The following ACO2 variants were observed in gnomAD, a reference collection of about 807,000 sequenced individuals.
ACO2 encodes aconitate hydratase, mitochondrial.
In ACO2, 31 loss-of-function variants were observed where a neutral mutation model predicts 84.5. That is an observed-to-expected ratio of 0.37 (90% CI 0.28 to 0.50). The LOEUF (loss-of-function observed/expected upper bound fraction) is 0.50, where lower values mean the gene tolerates loss of function less well. Among genes scored for constraint, ACO2 ranks in the 20% least tolerant of loss-of-function variants. The pLI is 0.97. For missense variants in ACO2, 685 were observed against 1,029.3 expected, an observed-to-expected ratio of 0.67 and a Z score of 4.58; for synonymous variants, 414 against 412.7, an observed-to-expected ratio of 1.00 and a Z score of -0.04.
chr22:41,518,799 A>T (rs997068543), intron 8 of ACO2, among the ~76,000 whole-genome samples: 1 of 151,972 alleles, frequency 6.6e-6, no homozygotes, highest in African/African-American at 2.4e-5. Context: ...TACAAAAATT[A>T]GCTCGGCATA....
At chr22:41,493,391 A>G (rs1244898341) in intron 1 of ACO2, among the ~76,000 whole-genome samples, 4 of 152,148 alleles carry the variant, frequency 2.6e-5, no homozygotes, top group African/African-American at 9.7e-5. Flanking sequence ...GCATGTTGAT[A>G]TGGCCCCCTC....
chr22:41,478,500 C>A (rs2146081778), intron 1 of ACO2, among the ~76,000 whole-genome samples: 1 of 152,236 alleles, frequency 6.6e-6, no homozygotes, highest in African/African-American at 2.4e-5. Context: ...AGAAATGAAT[C>A]TTTTGGTTTA....
chr22:41,515,826 C>T lies in ACO2; in HGVS notation c.744C>T (p.Ile248=), dbSNP rs2066471919. Residue 248 remains isoleucine, a synonymous_variant, in exon 6 of 18, where the codon ATC becomes ATT. Coordinates refer to ENST00000216254, the MANE Select transcript of ACO2 (RefSeq NM_001098.3). The surrounding 1 kb of genome is among the most constrained non-coding windows in gnomAD (Gnocchi z 5.8). The part of the protein sequence containing the change: ...LSGWSSPKDV[I]LKVAGILTVK... ...GTTGGTCCTCACCCAAAGATGTGAT[C>T]CTGAAGGTGGCAGGCATCCTCACGG... 6.2e-7 allele frequency: 1 copy of T among 1,614,178 alleles called. No individual in the cohort carries two copies. Among genetic ancestry groups the T allele is most frequent in the Non-Finnish European group, 8.5e-7 (1 of 1,180,036 alleles).
At chr22:41,470,224 C>T (rs2146071081) in intron 1 of ACO2, among the ~76,000 whole-genome samples, 1 of 152,274 alleles carries the variant, frequency 6.6e-6, no homozygotes, top group Non-Finnish European at 1.5e-5. Flanking sequence ...ATCAAGCAAG[C>T]ATCTGTAGAC....
chr22:41,528,208 G>A (rs962621587), intron 17 of ACO2, 186 bp downstream of exon 17: 25 of 964,370 alleles, frequency 2.6e-5, no homozygotes, highest in African/African-American at 2.1e-4. Flanking sequence ...GAGTCAACCC[G>A]GGGCCCTCAC....
intron 3 of ACO2, among the ~76,000 whole-genome samples, chr22:41,508,837 G>C (rs2066413304): frequency 1.3e-5 from 2 of 152,250 alleles, no homozygotes; most frequent in Non-Finnish European, 2.9e-5. Flanking sequence ...CCCTCACGGG[G>C]AGGGGCGTTG....
chr22:41,499,933 G>A, intron 2 of ACO2, 71 bp downstream of exon 2: 1 of 1,581,016 alleles, frequency 6.3e-7, no homozygotes, highest in Non-Finnish European at 8.6e-7. Flanking sequence ...AGGCAGAGAA[G>A]GAGGTGTTTT....
intron 1 of ACO2, among the ~76,000 whole-genome samples, chr22:41,491,768 TA>T (rs944651243): frequency 2.0e-5 from 3 of 152,242 alleles, no homozygotes; most frequent in Non-Finnish European, 4.4e-5. Flanking sequence ...ATTTCATTTT[TA>T]TCAATGCTGT....
chr22:41,517,454 G>A, intron 6 of ACO2, 73 bp from the exon 7 acceptor site: 1 of 1,201,752 alleles, frequency 8.3e-7, no homozygotes, highest in Admixed American at 1.8e-5. Flanking sequence ...TGAAGATGCA[G>A]GTGGCCGCGT....
At chr22:41,512,996 T>C (rs1342463203) in intron 4 of ACO2, among the ~76,000 whole-genome samples, 2 of 152,166 alleles carry the variant, frequency 1.3e-5, no homozygotes, top group African/African-American at 2.4e-5. Context: ...TGACGCCGCA[T>C]GGGCTCCCAG....
intron 11 of ACO2, among the ~76,000 whole-genome samples, 157 bp from the exon 12 acceptor site, chr22:41,523,673 C>T (rs575488271): frequency 3.5e-4 from 53 of 152,236 alleles, no homozygotes; most frequent in Middle Eastern, 3.4e-3. Flanking sequence ...CTGCTCTGCG[C>T]GTGGCCCCAG....
intron 10 of ACO2, 100 bp downstream of exon 10, chr22:41,523,087 G>T: frequency 6.4e-7 from 1 of 1,559,848 alleles, no homozygotes; most frequent in Non-Finnish European, 8.7e-7. Flanking sequence ...GGCTGGGGCA[G>T]GTCCCAGTGG....
At chr22:41,509,263 A>G (rs1468001875) in intron 3 of ACO2, among the ~76,000 whole-genome samples, 2 of 152,096 alleles carry the variant, frequency 1.3e-5, no homozygotes, top group Non-Finnish European at 2.9e-5. Flanking sequence ...TGGAGATGAG[A>G]TGCACACTCA....
At chr22:41,495,434 G>C (rs995921569) in intron 1 of ACO2, among the ~76,000 whole-genome samples, 3 of 152,110 alleles carry the variant, frequency 2.0e-5, no homozygotes, top group Non-Finnish European at 4.4e-5. Context: ...TTACAGGCAT[G>C]AGCCACCGCT....
rs1200588658 is a variant in ACO2, at chr22:41,500,781, G to A, written c.173+919G>A. 2.0e-5 allele frequency among the ~76,000 whole-genome samples: 3 copies of A among 152,072 alleles called. 1 individual carries two copies. Among genetic ancestry groups the A allele is most frequent in the East Asian group, 3.9e-4 (2 of 5,186 alleles). ...TACAGTGGTGCAGTCTCGGCTCACT[G>A]CAACCTCCGCCCCCCAGGTTCCAGC... is the stretch of plus-strand genomic sequence containing the variant. On this transcript the variant is annotated intron_variant, in intron 2 of 17. Coordinates refer to ENST00000216254, the MANE Select transcript of ACO2 (RefSeq NM_001098.3).
chr22:41,469,150 G>A lies in ACO2; in HGVS notation c.4G>A (p.Ala2Thr), dbSNP rs2037905577. The A allele has an allele frequency of 6.2e-7, 1 of 1,608,948 alleles. No individual in the cohort carries two copies. Among genetic ancestry groups the A allele is most frequent in the Non-Finnish European group, 8.5e-7 (1 of 1,177,618 alleles). Residue 2 changes from alanine (A) to threonine (T), a missense_variant, in exon 1 of 18, where the codon GCG (alanine) becomes ACG (threonine). Physicochemically the swap from Ala to Thr is moderately conservative, Grantham distance 58. Coordinates refer to ENST00000216254, the MANE Select transcript of ACO2 (RefSeq NM_001098.3). Reference protein sequence around the residue: MAPYSLLVTRLQ... With the variant: MTPYSLLVTRLQ... ...CTCATCTTTGTCAGTGCACAAAATG[G>A]CGCCCTACAGCCTACTGGTGACTCG...
At position 41,515,796 on chromosome 22, in the gene ACO2, C is replaced by T. The variant is rs145011805; in HGVS notation, c.714C>T (p.Leu238=). The T allele has an allele frequency of 3.6e-5, 58 of 1,613,930 alleles. No homozygotes were observed. In the African/African-American group the frequency reaches 4.1e-4, roughly 12 times the overall value. Residue 238 remains leucine (L), a synonymous_variant, in exon 6 of 18, where the codon CTC becomes CTT. Transcript: ENST00000216254. The surrounding 1 kb of genome is among the most constrained non-coding windows in gnomAD (Gnocchi z 5.8). ...KVIGVKLTGS[L]SGWSSPKDVI... is the part of the protein sequence containing the mutation. ...TTGGCGTGAAGCTGACGGGCTCTCT[C>T]TCCGGTTGGTCCTCACCCAAAGATG... is the stretch of plus-strand genomic sequence containing the variant.
At chr22:41,494,411 CTTTT>C (rs879644372) in intron 1 of ACO2, among the ~76,000 whole-genome samples, 4 of 139,064 alleles carry the variant, frequency 2.9e-5, no homozygotes, top group Admixed American at 7.3e-5. Context: ...TATTCTGTAT[CTTTT>C]TTTTTTTTTT....
chr22:41,479,157 G>A (rs1043558758), intron 1 of ACO2, among the ~76,000 whole-genome samples: 1 of 152,112 alleles, frequency 6.6e-6, no homozygotes, highest in African/African-American at 2.4e-5. Flanking sequence ...AGTAGGTGGG[G>A]GAATTTGCTG....
Sources: allele counts gnomAD v4.1 joint callset (sites outside exome capture counted in the v4.1 genomes callset), GRCh38; gene constraint gnomAD v4.1.1; non-coding constraint Gnocchi (gnomAD v3.1); transcripts MANE v1.5; gene names NCBI Gene and HGNC (gene_info 2026-07-23, HGNC 2026-07-21).